The following ABCD2 variants were observed in gnomAD, a reference collection of about 807,000 sequenced individuals.
ABCD2 encodes the protein ATP binding cassette subfamily D member 2.
In ABCD2, 36 loss-of-function variants were observed where a neutral mutation model predicts 70.9. The observed-to-expected ratio is 0.51, with a 90% confidence interval of 0.39 to 0.67. The LOEUF (loss-of-function observed/expected upper bound fraction) is 0.67. Ranked by LOEUF, ABCD2 falls within the 30% of genes least tolerant of loss-of-function variation. ABCD2 has a pLI of 0.00. For missense variants in ABCD2, 729 were observed against 890.2 expected (o/e 0.82, Z 2.30); for synonymous variants, 304 against 306.9 (o/e 0.99, Z 0.10).
intron 7 of ABCD2, among the ~76,000 whole-genome samples, chr12:39,583,380 C>T (rs1941623550): frequency 6.6e-6 from 1 of 152,040 alleles, no homozygotes; most frequent in African/African-American, 2.4e-5. Flanking sequence ...TGTAAGTGGG[C>T]TGTAAAATAG....
At chr12:39,574,669 A>G (rs1384201826) in intron 8 of ABCD2, among the ~76,000 whole-genome samples, 2 of 151,990 alleles carry the variant, frequency 1.3e-5, no homozygotes, top group Non-Finnish European at 2.9e-5. Context: ...CAACTCTTAC[A>G]CTGTCATTTA....
In ABCD2 at chr12:39,619,739, A is replaced by G; in HGVS notation, c.-124T>C. The stretch of plus-strand genomic sequence containing the variant: ...CCATAGTCTGCAGCGTTTCTCTTCC[A>G]CTGTTGTGTTTTTAATTTTGTTCTG... On this transcript the variant is annotated 5_prime_UTR_variant, in exon 1 of 10. Transcript: ENST00000308666. The G allele has an allele frequency of 8.4e-6, 7 of 837,922 alleles. No homozygotes were observed. Among genetic ancestry groups the G allele is most frequent in the Non-Finnish European group, 1.3e-5 (7 of 553,486 alleles). The allele number at this position is 837,922 out of a possible 1,614,324, so 51.9% of individuals were successfully genotyped here.
intron 6 of ABCD2, among the ~76,000 whole-genome samples, chr12:39,587,430 A>G (rs189968106): frequency 2.6e-5 from 4 of 152,328 alleles, no homozygotes; most frequent in Admixed American, 2.6e-4. Flanking sequence ...TCTACCCACT[A>G]GATGTCAGCA....
the ABCD2 span, among the ~76,000 whole-genome samples, chr12:39,541,171 AT>A: frequency 6.6e-6 from 1 of 152,244 alleles, no homozygotes; most frequent in African/African-American, 2.4e-5. Context: ...GATTGGAAAT[AT>A]TAAAGAGTAA....
At chr12:39,572,653 G>A (rs1941463498) in intron 9 of ABCD2, among the ~76,000 whole-genome samples, 1 of 152,124 alleles carries the variant, frequency 6.6e-6, no homozygotes, top group Non-Finnish European at 1.5e-5. Context: ...TTCTTTATAA[G>A]GTCAAAGGTC....
At chr12:39,602,733 T>G (rs1005970898) in intron 5 of ABCD2, among the ~76,000 whole-genome samples, 1 of 152,164 alleles carries the variant, frequency 6.6e-6, no homozygotes, top group African/African-American at 2.4e-5. Context: ...TGGCTCTAAA[T>G]TTTTCTGCAG....
intron 1 of ABCD2, 55 bp from the exon 2 acceptor site, chr12:39,617,223 CT>C (rs66517223): frequency 0.38 from 330,431 of 872,126 alleles, 26,623 homozygotes; most frequent in East Asian, 0.41. Flanking sequence ...ACATATTATT[CT>C]TTTTTTTTTT....
At chr12:39,579,656 ATTTG>A (rs1260381796) in intron 7 of ABCD2, 37 bp from the exon 8 acceptor site, 1 of 1,477,280 alleles carries the variant, frequency 6.8e-7, no homozygotes, top group African/African-American at 1.4e-5. Flanking sequence ...TTTATAAATC[ATTTG>A]TTTAATTGTT....
chr12:39,584,031 A>G (rs928360179), intron 7 of ABCD2, among the ~76,000 whole-genome samples: 2 of 152,130 alleles, frequency 1.3e-5, no homozygotes, highest in African/African-American at 2.4e-5. Context: ...TATTCCTCTG[A>G]GTATAAACCC....
At chr12:39,567,428 C>G (rs995218176) in intron 9 of ABCD2, among the ~76,000 whole-genome samples, 1 of 152,008 alleles carries the variant, frequency 6.6e-6, no homozygotes, top group Non-Finnish European at 1.5e-5. Context: ...TTTAAAGTCT[C>G]TTTTATTAGA....
intron 6 of ABCD2, among the ~76,000 whole-genome samples, chr12:39,599,366 A>T (rs1241150394): frequency 6.6e-6 from 1 of 152,244 alleles, no homozygotes; most frequent in Non-Finnish European, 1.5e-5. Flanking sequence ...AAGTAAAATC[A>T]ACCTACTAAA....
chr12:39,553,047 A>G lies in ABCD2; in HGVS notation c.*865T>C, dbSNP rs543969407. On this transcript the variant is annotated 3_prime_UTR_variant, in exon 10 of 10. Transcript: ENST00000308666. ...TACTATTCCAATGTATGTTATTACT[A>G]TGATTCTCAGAATCCTTAAGTTCCT... 7 of 152,154 alleles carry G rather than the reference A, an allele frequency of 4.6e-5. No homozygotes were observed. Among genetic ancestry groups the G allele is most frequent in the South Asian group, 2.1e-4 (1 of 4,826 alleles). 9.4% of individuals were successfully genotyped at this position (152,154 alleles called of 1,614,324 possible). A position where few individuals can be genotyped will look rare whatever the true frequency, so the allele number is the denominator to read the frequency against.
chr12:39,538,840 G>T, the ABCD2 span, among the ~76,000 whole-genome samples: 2 of 152,126 alleles, frequency 1.3e-5, no homozygotes, highest in Non-Finnish European at 2.9e-5. Context: ...TGGAAAACAC[G>T]TACCCCTGAA....
At chr12:39,604,984 T>A in intron 3 of ABCD2, 54 bp from the exon 4 acceptor site, 1 of 1,346,106 alleles carries the variant, frequency 7.4e-7, no homozygotes, top group Non-Finnish European at 1.0e-6. Context: ...GACAATATTT[T>A]AAATAAATAT....
intron 2 of ABCD2, among the ~76,000 whole-genome samples, chr12:39,611,835 T>C (rs1942048759): frequency 6.6e-6 from 1 of 151,986 alleles, no homozygotes; most frequent in South Asian, 2.1e-4. Context: ...GTGGTGTGCA[T>C]GTATATGATA....
chr12:39,592,678 G>C (rs1941763131), intron 6 of ABCD2, among the ~76,000 whole-genome samples: 1 of 152,198 alleles, frequency 6.6e-6, no homozygotes, highest in South Asian at 2.1e-4. Context: ...AGAGTTCTGT[G>C]AGGAGCTCTG....
chr12:39,536,983 T>C, the ABCD2 span, among the ~76,000 whole-genome samples: 1 of 152,278 alleles, frequency 6.6e-6, no homozygotes, highest in African/African-American at 2.4e-5. Context: ...TACCCTCCAT[T>C]ACCAAATGTG....
Position 39,554,213 on chromosome 12 carries a change from A to G in ABCD2, c.2004-82T>C. 9 of 1,344,028 alleles carry G rather than the reference A, an allele frequency of 6.7e-6. No individual in the cohort carries two copies. In the East Asian group the frequency reaches 2.2e-4, roughly 33 times the overall value. 83.3% of individuals were successfully genotyped at this position (1,344,028 alleles called of 1,614,324 possible). ...TTGTAGGTTTATCATTCAAATTGATACCCAAAGGCAAATTTTAAGTAGGTG... is the reference window on the plus strand; with the variant it reads ...TTGTAGGTTTATCATTCAAATTGATGCCCAAAGGCAAATTTTAAGTAGGTG... On this transcript the variant is annotated intron_variant, in intron 9 of 9. Coordinates refer to ENST00000308666, the MANE Select transcript of ABCD2 (RefSeq NM_005164.4).
chr12:39,608,115 C>A (rs1591996838), intron 2 of ABCD2, among the ~76,000 whole-genome samples: 1 of 151,740 alleles, frequency 6.6e-6, no homozygotes, highest in Non-Finnish European at 1.5e-5. Flanking sequence ...TTGCAGTGAA[C>A]AGAGATCATG....
Sources: gnomAD v4.1 joint callset for allele counts (sites outside exome capture counted in the v4.1 genomes callset) on GRCh38, gnomAD v4.1.1 for gene constraint, MANE v1.5 for transcripts, NCBI Gene and HGNC (gene_info 2026-07-23, HGNC 2026-07-21) for gene names.